Variants in LSAMP observed in about 807,000 individuals in gnomAD.
LSAMP encodes the protein limbic system associated membrane protein, also known as limbic system-associated membrane protein.
In LSAMP, 7 loss-of-function variants were observed where a neutral mutation model predicts 38.6. The observed-to-expected ratio is 0.18, with a 90% CI of 0.10 to 0.34. The LOEUF is 0.34. LSAMP is among the 10% of genes least tolerant of loss of function. The pLI is 1.00. For synonymous variants in LSAMP, 154 were observed against 166.8 expected (o/e 0.92, Z 0.59); for missense variants, 313 against 420.0 (o/e 0.75, Z 2.23).
At chr3:116,166,854 G>A (rs911241365) in intron 1 of LSAMP, among the ~76,000 whole-genome samples, 5 of 145,476 alleles carry the variant, frequency 3.4e-5, no homozygotes, top group African/African-American at 7.6e-5. Flanking sequence ...GCAGTGGCGC[G>A]ATCTCAGCTC....
chr3:116,106,492 T>G (rs1045863724), intron 1 of LSAMP, among the ~76,000 whole-genome samples: 2 of 152,198 alleles, frequency 1.3e-5, no homozygotes, highest in African/African-American at 4.8e-5. Flanking sequence ...CAGGTCTGAC[T>G]TCTGAGAAGG....
intron 3 of LSAMP, among the ~76,000 whole-genome samples, chr3:115,876,213 T>G (rs1457064348): frequency 2.0e-5 from 3 of 150,170 alleles, no homozygotes; most frequent in Non-Finnish European, 4.4e-5. Context: ...CAGTAATGCC[T>G]GCAGTTCCTC....
intron 1 of LSAMP, among the ~76,000 whole-genome samples, chr3:116,180,881 T>C (rs542334907): frequency 5.9e-5 from 9 of 152,230 alleles, no homozygotes; most frequent in Admixed American, 3.9e-4. Context: ...ACAAAGATGG[T>C]TGTATCCTTA....
At chr3:116,422,057 T>C (rs2049136062) in intron 1 of LSAMP, among the ~76,000 whole-genome samples, 2 of 151,664 alleles carry the variant, frequency 1.3e-5, no homozygotes, top group Non-Finnish European at 1.5e-5. Context: ...TGGTTAAACA[T>C]AATATGGCAT....
At chr3:116,280,857 G>A (rs1235393397) in intron 1 of LSAMP, among the ~76,000 whole-genome samples, 3 of 152,134 alleles carry the variant, frequency 2.0e-5, no homozygotes, top group Non-Finnish European at 4.4e-5. Flanking sequence ...AGAAAGCCCA[G>A]AATAGTGTGA....
At chr3:116,336,337 G>T (rs1379048707) in intron 1 of LSAMP, among the ~76,000 whole-genome samples, 1 of 151,966 alleles carries the variant, frequency 6.6e-6, no homozygotes, top group African/African-American at 2.4e-5. Flanking sequence ...CTACAGAATG[G>T]TAGAAAATAC....
chr3:116,373,248 C>T (rs1201442371), intron 1 of LSAMP, among the ~76,000 whole-genome samples: 1 of 151,422 alleles, frequency 6.6e-6, no homozygotes, highest in African/African-American at 2.4e-5. Context: ...CACACACATA[C>T]ACAATGAAAT....
At chr3:115,943,277 C>G (rs1368896482) in intron 3 of LSAMP, among the ~76,000 whole-genome samples, 3 of 152,108 alleles carry the variant, frequency 2.0e-5, no homozygotes, top group African/African-American at 7.2e-5. Context: ...ATTCTCATGT[C>G]TCCTGATTTG....
intron 3 of LSAMP, among the ~76,000 whole-genome samples, chr3:115,990,359 T>C (rs992339895): frequency 6.6e-6 from 1 of 152,080 alleles, no homozygotes; most frequent in Non-Finnish European, 1.5e-5. Context: ...TCTGAGCCTC[T>C]TGATGCTACT....
chr3:116,090,619 T>G (rs1708100759), intron 1 of LSAMP, among the ~76,000 whole-genome samples: 2 of 152,228 alleles, frequency 1.3e-5, no homozygotes, highest in Admixed American at 1.3e-4. Flanking sequence ...TAGGTTCTTT[T>G]CTATTTTCCT....
intron 3 of LSAMP, among the ~76,000 whole-genome samples, chr3:115,874,294 T>C (rs1298618736): frequency 6.6e-6 from 1 of 152,130 alleles, no homozygotes; most frequent in Non-Finnish European, 1.5e-5. Context: ...CCCTCTCCTT[T>C]AGGAAGTCTG....
intron 1 of LSAMP, among the ~76,000 whole-genome samples, chr3:116,240,745 A>G (rs926635917): frequency 2.6e-5 from 4 of 152,256 alleles, no homozygotes; most frequent in Admixed American, 2.6e-4. Flanking sequence ...TTATGCACAT[A>G]TTCATTTTCA....
At chr3:116,134,239 A>G (rs1252188683) in intron 1 of LSAMP, among the ~76,000 whole-genome samples, 1 of 152,192 alleles carries the variant, frequency 6.6e-6, no homozygotes, top group African/African-American at 2.4e-5. Context: ...AACAAGGAAA[A>G]TACACCCCAT....
rs895821763 is a variant in LSAMP, at chr3:116,165,132, A to G, written c.156-78576T>C. Among the ~76,000 whole-genome samples the G allele has an allele frequency of 3.3e-5, 5 of 152,232 alleles. No homozygotes were observed. In the South Asian group the frequency reaches 1.0e-3, roughly 32 times the overall value. ...GAGCAGACCGTGCTTCTAGGTTGAA[A>G]TTTTGCTCTTATAGCAAGCATACCA... On this transcript the variant is annotated intron_variant, in intron 1 of 6. Transcript: ENST00000490035.
chr3:116,242,402 C>G (rs1449040919), intron 1 of LSAMP, among the ~76,000 whole-genome samples: 1 of 152,238 alleles, frequency 6.6e-6, no homozygotes, highest in East Asian at 1.9e-4. Context: ...AACGGCTGGT[C>G]ACGAACTGAA....
chr3:116,093,436 T>C (rs759570562), intron 1 of LSAMP, among the ~76,000 whole-genome samples: 7 of 152,216 alleles, frequency 4.6e-5, no homozygotes, highest in Admixed American at 3.3e-4. Flanking sequence ...AGTGCAGTAG[T>C]GTGTTTTCAT....
intron 1 of LSAMP, among the ~76,000 whole-genome samples, chr3:116,279,040 A>G (rs1171281094): frequency 1.3e-5 from 2 of 152,216 alleles, no homozygotes; most frequent in Non-Finnish European, 2.9e-5. Flanking sequence ...GAGAATTTTC[A>G]TTAACATTCT....
intron 3 of LSAMP, among the ~76,000 whole-genome samples, chr3:115,975,873 C>T (rs1303807407): frequency 1.3e-5 from 2 of 152,184 alleles, no homozygotes; most frequent in Non-Finnish European, 1.5e-5. Context: ...ACCTGACATT[C>T]AAACTCAAAA....
chr3:116,114,347 C>T (rs1234487038), intron 1 of LSAMP, among the ~76,000 whole-genome samples: 1 of 152,182 alleles, frequency 6.6e-6, no homozygotes, highest in Non-Finnish European at 1.5e-5. Flanking sequence ...GAACAATGGG[C>T]TGGGAGCAGT....
Sources: allele counts gnomAD v4.1 joint callset (sites outside exome capture counted in the v4.1 genomes callset), GRCh38; gene constraint gnomAD v4.1.1; transcripts MANE v1.5; gene names NCBI Gene and HGNC (gene_info 2026-07-23, HGNC 2026-07-21).